The following DAAM2 variants were observed in gnomAD, a reference collection of about 807,000 sequenced individuals.
DAAM2 encodes dishevelled associated activator of morphogenesis 2, also known as disheveled-associated activator of morphogenesis 2.
DAAM2 carries 39 observed loss-of-function variants against 120.7 expected under a neutral mutation model. The ratio of observed to expected loss-of-function variants is 0.32; its 90% CI spans 0.25 to 0.42. The LOEUF (loss-of-function observed/expected upper bound fraction) is 0.42, where lower values mean the gene tolerates loss of function less well. Among genes scored for constraint, DAAM2 ranks in the 10% least tolerant of loss-of-function variants. The probability of loss-of-function intolerance (pLI) is 1.00; values close to 1 mark genes in which losing one functional copy is unlikely to be tolerated. For missense variants in DAAM2, 1,283 were observed against 1,401.7 expected, an observed-to-expected ratio of 0.92 and a Z score of 1.35; for synonymous variants, 488 against 524.9, an observed-to-expected ratio of 0.93 and a Z score of 0.96.
chr6:39,840,761 T>A (rs779083629), intron 1 of DAAM2, among the ~76,000 whole-genome samples: 1 of 152,168 alleles, frequency 6.6e-6, no homozygotes, highest in Non-Finnish European at 1.5e-5. Context: ...GGCTCTGTGC[T>A]GAGCACCAGG....
At chr6:39,814,058 C>T (rs67349739) in intron 1 of DAAM2, among the ~76,000 whole-genome samples, 19,367 of 152,140 alleles carry the variant, frequency 0.13, 1,347 homozygotes, top group Non-Finnish European at 0.15. Flanking sequence ...TTGTTCAGCC[C>T]GTGGCCCATG....
rs1562064647 is a variant in DAAM2, at chr6:39,897,158, C to G, written c.2511-17C>G. 14 of 1,598,620 alleles carry G rather than the reference C, an allele frequency of 8.8e-6. No individual in the cohort carries two copies. The highest frequency in any genetic ancestry group is 1.2e-5 in the Non-Finnish European group (14 of 1,166,290). On this transcript the variant is annotated splice_polypyrimidine_tract_variant and intron_variant, in intron 20 of 24. Coordinates refer to ENST00000274867, the MANE Select transcript of DAAM2 (RefSeq NM_001201427.2). ...GTTTCCTCTGTCACTTACCACTGAC[C>G]TGACTTTCATCCACAGAAACATCTC...
Position 39,904,383 on chromosome 6 carries a change from A to G in DAAM2, c.*2346A>G, listed in dbSNP as rs368071871. On this transcript the variant is annotated 3_prime_UTR_variant, in exon 25 of 25. Transcript: ENST00000274867. ...CCATGGACTCATACTCAACTGAGTA[A>G]GAAGGGGCTGGTGCCCAGTCGGGGT... The G allele has an allele frequency of 2.2e-6, 1 of 456,444 alleles. No individual in the cohort carries two copies. Among genetic ancestry groups the G allele is most frequent in the East Asian group, 6.9e-5 (1 of 14,394 alleles). The allele number at this position is 456,444 out of a possible 1,614,324, so 28.3% of individuals were successfully genotyped here. A position where few individuals can be genotyped will look rare whatever the true frequency, so the allele number is the denominator to read the frequency against.
intron 1 of DAAM2, among the ~76,000 whole-genome samples, chr6:39,811,235 G>A (rs1287061733): frequency 6.6e-6 from 1 of 150,382 alleles, no homozygotes. Context: ...TGTGGCAATG[G>A]CAGCTGGGTA....
rs142148187 is a variant in DAAM2, at chr6:39,853,895, A to G, written c.-56-2352A>G. 4.1e-3 allele frequency among the ~76,000 whole-genome samples: 627 copies of G among 152,260 alleles called. 1 individual carries two copies. Among genetic ancestry groups the G allele is most frequent in the Middle Eastern group, 0.01 (3 of 294 alleles). ...TCTGTATTCCATGTGATCATCCCAC[A>G]CTTGACAATGGGCAGGGGACCCCAG... On this transcript the variant is annotated intron_variant, in intron 1 of 24. Transcript: ENST00000274867.
intron 1 of DAAM2, among the ~76,000 whole-genome samples, chr6:39,807,413 G>A (rs761350373): frequency 1.2e-4 from 18 of 152,114 alleles, no homozygotes; most frequent in South Asian, 4.2e-4. Context: ...TCAGAGAAGC[G>A]GCTCCTTCTA....
In DAAM2 at chr6:39,878,719, G is replaced by A; in HGVS notation, c.1545+131G>A. On this transcript the variant is annotated intron_variant, in intron 13 of 24. Coordinates refer to ENST00000274867, the MANE Select transcript of DAAM2 (RefSeq NM_001201427.2). The surrounding 1 kb of genome is among the most constrained non-coding windows in gnomAD (Gnocchi z 5.0). ...GAAGGGAGATGGAGACCTTGGGCCA[G>A]GATAGAAGAGACCCTTGAGGCTGTA... 1 of 908,384 alleles carries A rather than the reference G, an allele frequency of 1.1e-6. No homozygotes were observed. Among genetic ancestry groups the A allele is most frequent in the Admixed American group, 2.9e-5 (1 of 34,838 alleles). 56.3% of individuals were successfully genotyped at this position (908,384 alleles called of 1,614,324 possible).
intron 9 of DAAM2, 129 bp downstream of exon 9, chr6:39,871,701 G>A: frequency 1.4e-6 from 1 of 707,826 alleles, no homozygotes; most frequent in Non-Finnish European, 2.4e-6. Context: ...GCACCCCCAT[G>A]GCCAGGTCCT....
intron 1 of DAAM2, among the ~76,000 whole-genome samples, chr6:39,824,763 C>T (rs1296606042): frequency 5.9e-5 from 9 of 152,056 alleles, no homozygotes; most frequent in Admixed American, 5.2e-4. Flanking sequence ...CCGCGGAAGT[C>T]GCATGGTTGG....
At chr6:39,838,042 AC>A (rs1281005986) in intron 1 of DAAM2, among the ~76,000 whole-genome samples, 1 of 152,208 alleles carries the variant, frequency 6.6e-6, no homozygotes, top group African/African-American at 2.4e-5. Flanking sequence ...AAGTCAGTCC[AC>A]ACGGATGCTT....
Position 39,868,865 on chromosome 6 carries a change from G to T in DAAM2, c.805G>T (p.Asp269Tyr). The change falls in exon 7 of 25, where the codon GAT becomes TAT. Residue 269 changes from aspartate (D) to tyrosine (Y), a missense_variant. Physicochemically the swap from Asp to Tyr is radical, Grantham distance 160 (BLOSUM62 -3). Coordinates refer to ENST00000274867, the MANE Select transcript of DAAM2 (RefSeq NM_001201427.2). ...ELDRSLGRYRDEVNLKTAIMS... is the reference protein window; with the variant it reads ...ELDRSLGRYRYEVNLKTAIMS... ...AGACCGAAGTCTGGGCCGGTACCGG[G>T]ATGAAGTGAATCTGAAAACAGCCAT... The T allele has an allele frequency of 6.3e-7, 1 of 1,589,306 alleles. No homozygotes were observed. The highest frequency in any genetic ancestry group is 2.3e-5 in the East Asian group (1 of 43,686).
intron 17 of DAAM2, among the ~76,000 whole-genome samples, chr6:39,891,097 A>G (rs1408457529): frequency 6.6e-6 from 1 of 151,766 alleles, no homozygotes; most frequent in South Asian, 2.1e-4. Context: ...TATTAAAAAA[A>G]AAAAAAAAGA....
At chr6:39,884,129 T>TC in intron 15 of DAAM2, 60 bp downstream of exon 15, 1 of 863,854 alleles carries the variant, frequency 1.2e-6, no homozygotes, top group Non-Finnish European at 1.9e-6. Flanking sequence ...CCTCAGCTTC[T>TC]CCTTTTCTTT....
intron 1 of DAAM2, among the ~76,000 whole-genome samples, chr6:39,837,385 C>A (rs1763141119): frequency 6.6e-6 from 1 of 152,098 alleles, no homozygotes; most frequent in African/African-American, 2.4e-5. Context: ...AAACCCACAT[C>A]CTTCCAACAG....
chr6:39,893,491 C>A (rs1240040858), intron 19 of DAAM2, among the ~76,000 whole-genome samples: 4 of 151,738 alleles, frequency 2.6e-5, no homozygotes, highest in African/African-American at 9.7e-5. Flanking sequence ...GCACTCCAGC[C>A]TGGGCAACAG....
chr6:39,876,266 A>C (rs1764864233), intron 11 of DAAM2, among the ~76,000 whole-genome samples: 1 of 152,248 alleles, frequency 6.6e-6, no homozygotes, highest in Non-Finnish European at 1.5e-5. Flanking sequence ...AGTTTGAGCC[A>C]CTTGCCCTTA....
intron 1 of DAAM2, among the ~76,000 whole-genome samples, chr6:39,843,498 T>C (rs976332430): frequency 2.6e-5 from 4 of 152,184 alleles, no homozygotes; most frequent in African/African-American, 9.7e-5. Context: ...GCCAGGCCGC[T>C]CTTCCTGGGA....
At position 39,875,407 on chromosome 6, in the gene DAAM2, C is replaced by T. The variant is rs372132582; in HGVS notation, c.1240C>T (p.Arg414Trp). The T allele has an allele frequency of 5.1e-5, 83 of 1,613,946 alleles. No individual in the cohort carries two copies. Among genetic ancestry groups the T allele is most frequent in the Non-Finnish European group, 6.0e-5 (71 of 1,179,858 alleles). Reference protein sequence around the residue: ...ILQQIVLQDERGVDPDLAPLE... With the variant: ...ILQQIVLQDEWGVDPDLAPLE... ...CCAGCAGATTGTCCTCCAGGATGAGCGGGGTGTGGACCCTGACCTGGCTCC... is the reference window on the plus strand; with the variant it reads ...CCAGCAGATTGTCCTCCAGGATGAGTGGGGTGTGGACCCTGACCTGGCTCC... Residue 414 changes from arginine to tryptophan, a missense_variant, in exon 11 of 25, where the codon CGG becomes TGG. Coordinates refer to ENST00000274867, the MANE Select transcript of DAAM2 (RefSeq NM_001201427.2).
intron 1 of DAAM2, among the ~76,000 whole-genome samples, chr6:39,800,300 C>T (rs1761821714): frequency 6.6e-6 from 1 of 152,132 alleles, no homozygotes; most frequent in African/African-American, 2.4e-5. Flanking sequence ...GTGTGTGTGG[C>T]CTCCTTGTGT....
Sources: allele counts gnomAD v4.1 joint callset (sites outside exome capture counted in the v4.1 genomes callset), GRCh38; gene constraint gnomAD v4.1.1; non-coding constraint Gnocchi (gnomAD v3.1); transcripts MANE v1.5; gene names NCBI Gene and HGNC (gene_info 2026-07-23, HGNC 2026-07-21).